TRIM44: variants seen among roughly 807,000 people sequenced by gnomAD.
The protein encoded by TRIM44 is tripartite motif-containing protein 44.
Under a neutral mutation model 37.4 loss-of-function variants are expected in TRIM44, and 13 were observed. That is an observed-to-expected ratio of 0.35 (90% CI 0.23 to 0.55). TRIM44 has a LOEUF of 0.55. TRIM44 is among the 20% of genes least tolerant of loss of function. The probability of loss-of-function intolerance (pLI) is 0.89; values close to 1 mark genes in which losing one functional copy is unlikely to be tolerated. For synonymous variants in TRIM44, 175 were observed against 157.2 expected (o/e 1.11, Z -0.85); for missense variants, 426 against 437.2 (o/e 0.97, Z 0.23).
At chr11:35,675,998 A>G (rs1385208782) in intron 1 of TRIM44, among the ~76,000 whole-genome samples, 4 of 152,102 alleles carry the variant, frequency 2.6e-5, no homozygotes, top group Non-Finnish European at 5.9e-5. Context: ...ACTAAGGAAA[A>G]ATGGGAGAAG....
intron 2 of TRIM44, among the ~76,000 whole-genome samples, chr11:35,707,455 A>C (rs935512919): frequency 1.3e-5 from 2 of 152,234 alleles, no homozygotes; most frequent in South Asian, 4.1e-4. Context: ...CGCATCACCA[A>C]GTCAATTGTA....
Position 35,812,086 on chromosome 11 carries a change from C to T in TRIM44, c.*5701C>T, listed in dbSNP as rs1853533776. 1 of 152,256 alleles carries T rather than the reference C, an allele frequency of 6.6e-6. No individual in the cohort carries two copies. Among genetic ancestry groups the T allele is most frequent in the Admixed American group, 6.5e-5 (1 of 15,282 alleles). The allele number at this position is 152,256 out of a possible 1,614,324, so 9.4% of individuals were successfully genotyped here. A position where few individuals can be genotyped will look rare whatever the true frequency, so the allele number is the denominator to read the frequency against. On this transcript the variant is annotated 3_prime_UTR_variant, in exon 5 of 5. Coordinates refer to ENST00000299413, the MANE Select transcript of TRIM44 (RefSeq NM_017583.6). ...GGTTTTCTTCCCTGCTTCCTGGTGC[C>T]AGTATCTCAACACCACATCCATTGC...
intron 3 of TRIM44, among the ~76,000 whole-genome samples, chr11:35,729,633 G>A (rs139213751): frequency 6.6e-6 from 1 of 152,292 alleles, no homozygotes; most frequent in African/African-American, 2.4e-5. Flanking sequence ...TAGCTCTGTG[G>A]AGAATGTAGA....
chr11:35,690,010 T>C (rs926499259), intron 2 of TRIM44, among the ~76,000 whole-genome samples: 2 of 152,234 alleles, frequency 1.3e-5, no homozygotes, highest in African/African-American at 4.8e-5. Flanking sequence ...CTTGAATTCA[T>C]ACTAATCTTA....
chr11:35,739,191 A>G (rs7925163), intron 4 of TRIM44, among the ~76,000 whole-genome samples: 7,096 of 152,222 alleles, frequency 0.047, 553 homozygotes, highest in African/African-American at 0.16. Context: ...TTGACAGTTC[A>G]TTATGTCCAA....
At chr11:35,802,982 T>C (rs1452475444) in intron 4 of TRIM44, among the ~76,000 whole-genome samples, 2 of 152,140 alleles carry the variant, frequency 1.3e-5, no homozygotes, top group Admixed American at 1.3e-4. Flanking sequence ...AGGTTTTTAT[T>C]CAGGATAAGA....
intron 2 of TRIM44, among the ~76,000 whole-genome samples, chr11:35,704,676 A>C (rs2135503280): frequency 6.6e-6 from 1 of 152,348 alleles, no homozygotes; most frequent in African/African-American, 2.4e-5. Context: ...TCATAAGCGA[A>C]GGAGAAATAA....
intron 2 of TRIM44, among the ~76,000 whole-genome samples, chr11:35,705,212 C>G (rs1479041295): frequency 3.7e-4 from 56 of 151,584 alleles, no homozygotes; most frequent in Non-Finnish European, 3.8e-4. Flanking sequence ...GAAGAGCTAA[C>G]TATCCTAAAT....
chr11:35,734,346 A>G (rs1175075194), intron 3 of TRIM44, among the ~76,000 whole-genome samples: 2 of 152,224 alleles, frequency 1.3e-5, no homozygotes, highest in African/African-American at 4.8e-5. Flanking sequence ...TACAGAGACA[A>G]TTATTACCCC....
intron 2 of TRIM44, among the ~76,000 whole-genome samples, chr11:35,718,568 A>G (rs1852064927): frequency 1.3e-5 from 2 of 152,172 alleles, no homozygotes; most frequent in African/African-American, 2.4e-5. Flanking sequence ...GTGAAGCTCT[A>G]CTGACATATC....
At chr11:35,697,351 A>T (rs1265817556) in intron 2 of TRIM44, among the ~76,000 whole-genome samples, 1 of 150,342 alleles carries the variant, frequency 6.7e-6, no homozygotes, top group African/African-American at 2.5e-5. Flanking sequence ...GCTGAGAATG[A>T]TGGTTTCCAG....
chr11:35,678,060 GGC>G (rs1315756050), intron 1 of TRIM44, among the ~76,000 whole-genome samples: 1 of 152,146 alleles, frequency 6.6e-6, no homozygotes, highest in Admixed American at 6.5e-5. Context: ...TAAAATGAAT[GGC>G]TGGAGTATAA....
chr11:35,720,625 C>T (rs946402157), intron 2 of TRIM44, among the ~76,000 whole-genome samples: 1 of 152,086 alleles, frequency 6.6e-6, no homozygotes, highest in Non-Finnish European at 1.5e-5. Context: ...CTCATCTTAG[C>T]GGGAAAGCCT....
At chr11:35,698,164 T>G (rs948237893) in intron 2 of TRIM44, among the ~76,000 whole-genome samples, 1 of 150,458 alleles carries the variant, frequency 6.6e-6, no homozygotes, top group African/African-American at 2.4e-5. Context: ...ATGTGCCACA[T>G]TTTCTTAATC....
At chr11:35,711,025 A>G (rs1223750647) in intron 2 of TRIM44, among the ~76,000 whole-genome samples, 1 of 152,188 alleles carries the variant, frequency 6.6e-6, no homozygotes, top group Admixed American at 6.5e-5. Context: ...TCAATACTGT[A>G]TGGGACTGAG....
chr11:35,747,508 A>G (rs1852505912), intron 4 of TRIM44, among the ~76,000 whole-genome samples: 1 of 152,222 alleles, frequency 6.6e-6, no homozygotes, highest in Non-Finnish European at 1.5e-5. Context: ...AAGATGGAAG[A>G]TTCATATCTT....
intron 1 of TRIM44, among the ~76,000 whole-genome samples, chr11:35,669,680 T>C (rs778575269): frequency 6.6e-6 from 1 of 152,144 alleles, no homozygotes; most frequent in Admixed American, 6.5e-5. Context: ...GGTTTCACCA[T>C]GTTGGCCAGA....
In TRIM44 at chr11:35,806,680, C is replaced by G. The variant is rs776525840; in HGVS notation, c.*295C>G. The G allele has an allele frequency of 1.1e-5, 4 of 351,102 alleles. No individual in the cohort carries two copies. The highest frequency in any genetic ancestry group is 1.6e-5 in the Non-Finnish European group (3 of 193,376). The allele number at this position is 351,102 out of a possible 1,614,324, so 21.7% of individuals were successfully genotyped here. ...CCTCAATGGCTGCTTTGAACTTACTCAGGAAAGCCAGCCCCCATAATATTG... is the reference window on the plus strand; with the variant it reads ...CCTCAATGGCTGCTTTGAACTTACTGAGGAAAGCCAGCCCCCATAATATTG... On this transcript the variant is annotated 3_prime_UTR_variant, in exon 5 of 5. Coordinates refer to ENST00000299413, the MANE Select transcript of TRIM44 (RefSeq NM_017583.6).
In TRIM44 at chr11:35,805,815, G is replaced by A. The variant is rs79531764; in HGVS notation, c.1008-543G>A. Reference sequence around the variant, plus strand: ...CAGACATAAGATAGAGAATCACCAGGGAGTCCTACTTAGTAGAGTACCTTC... The same window carrying A: ...CAGACATAAGATAGAGAATCACCAGAGAGTCCTACTTAGTAGAGTACCTTC... On this transcript the variant is annotated intron_variant, in intron 4 of 4. Coordinates refer to ENST00000299413, the MANE Select transcript of TRIM44 (RefSeq NM_017583.6). Among the ~76,000 whole-genome samples, 2,092 of 152,166 alleles carry A rather than the reference G, an allele frequency of 0.014. 115 individuals carry two copies. In the East Asian group the frequency reaches 0.14, roughly 10 times the overall value.
Sources: allele counts gnomAD v4.1 joint callset (sites outside exome capture counted in the v4.1 genomes callset), GRCh38; gene constraint gnomAD v4.1.1; transcripts MANE v1.5; gene names NCBI Gene and HGNC (gene_info 2026-07-23, HGNC 2026-07-21).